Variants in SSH1 observed in about 807,000 individuals in gnomAD.
SSH1 encodes the protein protein phosphatase Slingshot homolog 1.
Under a neutral mutation model 79.7 loss-of-function variants are expected in SSH1, and 43 were observed. The observed-to-expected ratio is 0.54, with a 90% CI of 0.42 to 0.70. SSH1 has a LOEUF of 0.70. Among genes scored for constraint, SSH1 ranks in the 30% least tolerant of loss-of-function variants. SSH1 has a pLI of 0.00. For missense variants in SSH1, 1,206 were observed against 1,358.8 expected (o/e 0.89, Z 1.77); for synonymous variants, 599 against 538.3 (o/e 1.11, Z -1.56).
chr12:108,788,363 G>T lies in SSH1; in HGVS notation c.2775C>A (p.Ser925=). The T allele has an allele frequency of 6.2e-7, 1 of 1,613,146 alleles. No individual in the cohort carries two copies. Among genetic ancestry groups the T allele is most frequent in the Non-Finnish European group, 8.5e-7 (1 of 1,179,942 alleles). Residue 925 remains serine (S), a synonymous_variant, in exon 15 of 15, where the codon TCC becomes TCA. Coordinates refer to ENST00000326495, the MANE Select transcript of SSH1 (RefSeq NM_018984.4). ...FLKTICYTPT[S]SSMSSNLTRS... The stretch of plus-strand genomic sequence containing the variant: ...GGGTCAGGTTGGAGCTCATGGAAGA[G>T]GAGGTGGGGGTGTAGCAGATGGTCT...
chr12:108,852,535 T>C, intron 2 of SSH1, 103 bp downstream of exon 2: 2 of 1,466,640 alleles, frequency 1.4e-6, no homozygotes. Context: ...CAGCCCAAAA[T>C]TGGCATATTC....
At chr12:108,844,569 C>G (rs1270749561) in intron 2 of SSH1, among the ~76,000 whole-genome samples, 1 of 152,240 alleles carries the variant, frequency 6.6e-6, no homozygotes, top group African/African-American at 2.4e-5. Flanking sequence ...ATCCCTAGAA[C>G]ACACACAGAT....
In SSH1 at chr12:108,787,845, T is replaced by C. The variant is rs906527505; in HGVS notation, c.*143A>G. On this transcript the variant is annotated 3_prime_UTR_variant, in exon 15 of 15. Coordinates refer to ENST00000326495, the MANE Select transcript of SSH1 (RefSeq NM_018984.4). The stretch of plus-strand genomic sequence containing the variant: ...TTGGTTAGTTTCTTCTCCTCCTCTC[T>C]ATGGCAAGAGTAGGGGAAAAGTTAG... The C allele has an allele frequency of 5.6e-6, 6 of 1,068,570 alleles. No homozygotes were observed. The highest frequency in any genetic ancestry group is 5.8e-4 in the Middle Eastern group (2 of 3,450). The allele number at this position is 1,068,570 out of a possible 1,614,324, so 66.2% of individuals were successfully genotyped here.
chr12:108,779,491 AG>A lies in SSH1; in HGVS notation c.*8496del, dbSNP rs146912040. ...GCTCTGGGAAGGGTTTCAGATGATG[AG>A]GGAGCAGTTCCTATCTGGCTTCATC... On this transcript the variant is annotated 3_prime_UTR_variant, in exon 15 of 15. Coordinates refer to ENST00000326495, the MANE Select transcript of SSH1 (RefSeq NM_018984.4). The A allele has an allele frequency of 6.6e-6, 1 of 152,280 alleles. No individual in the cohort carries two copies. The highest frequency in any genetic ancestry group is 1.9e-4 in the East Asian group (1 of 5,176). The allele number at this position is 152,280 out of a possible 1,614,324, so 9.4% of individuals were successfully genotyped here.
At chr12:108,823,631 A>G (rs2038208917) in intron 2 of SSH1, among the ~76,000 whole-genome samples, 1 of 152,152 alleles carries the variant, frequency 6.6e-6, no homozygotes, top group African/African-American at 2.4e-5. Context: ...CTTTCTGCAG[A>G]ATACTGGACA....
chr12:108,805,159 A>G lies in SSH1; in HGVS notation c.851T>C (p.Met284Thr). 1 of 1,613,670 alleles carries G rather than the reference A, an allele frequency of 6.2e-7. No homozygotes were observed. The highest frequency in any genetic ancestry group is 8.5e-7 in the Non-Finnish European group (1 of 1,179,552). Residue 284 changes from methionine to threonine, a missense_variant, in exon 10 of 15, where the codon ATG becomes ACG. By Grantham distance (81) the Met-to-Thr change is moderately conservative. This residue lies in a region of SSH1 where 166 missense variants were observed against 262.9 expected (regional missense o/e 0.63). Coordinates refer to ENST00000326495, the MANE Select transcript of SSH1 (RefSeq NM_018984.4). ...CTTGAGTTCCTTCAAGTTACAATTC[A>G]TCTGTTTCTCTAATTCATTACGAAT... ...KEIRNELEKQ[M>T]NCNLKELKEF...
At position 108,811,320 on chromosome 12, in the gene SSH1, C is replaced by T. The variant is rs762222778; in HGVS notation, c.410G>A (p.Cys137Tyr). The T allele has an allele frequency of 3.1e-6, 5 of 1,614,212 alleles. No individual in the cohort carries two copies. The highest frequency in any genetic ancestry group is 4.2e-6 in the Non-Finnish European group (5 of 1,180,036). The part of the protein sequence containing the change: ...VDFSSKESKS[C>Y]TIGMVLRLWS... ...CAGTCGGAGAACCATCCCAATGGTG[C>T]AGCTTTTACTGCGATGGGGGAGAGA... Residue 137 changes from cysteine to tyrosine, a missense_variant, in exon 6 of 15, where the codon TGC becomes TAC. Cys to Tyr is a radical substitution (Grantham distance 194). This residue lies in a region of SSH1 where 115 missense variants were observed against 173.9 expected (regional missense o/e 0.66). Coordinates refer to ENST00000326495, the MANE Select transcript of SSH1 (RefSeq NM_018984.4).
At chr12:108,793,657 A>G (rs997892108) in intron 13 of SSH1, among the ~76,000 whole-genome samples, 1 of 152,026 alleles carries the variant, frequency 6.6e-6, no homozygotes, top group African/African-American at 2.4e-5. Context: ...CAGCCTCCCA[A>G]AGTGTTGGGA....
rs567754739 is a variant in SSH1, at chr12:108,813,597, C to T, written c.402-2269G>A. Among the ~76,000 whole-genome samples the T allele has an allele frequency of 1.2e-3, 185 of 150,318 alleles. 2 individuals are homozygous for T. Among genetic ancestry groups the T allele is most frequent in the African/African-American group, 4.4e-3 (178 of 40,866 alleles). On this transcript the variant is annotated intron_variant, in intron 5 of 14. Transcript: ENST00000326495. ...GAATGGTGGCATGTGCCTGTGGCCT[C>T]GGCTACTCAGGGGGCTGAGGTAGGA...
Position 108,788,630 on chromosome 12 carries a change from A to T in SSH1, c.2508T>A (p.Pro836=), listed in dbSNP as rs757769267. 6.2e-7 allele frequency: 1 copy of T among 1,612,498 alleles called. No individual in the cohort carries two copies. Among genetic ancestry groups the T allele is most frequent in the Non-Finnish European group, 8.5e-7 (1 of 1,178,742 alleles). Residue 836 remains proline, a synonymous_variant, in exon 15 of 15, where the codon CCT becomes CCA. Transcript: ENST00000326495. ...CCCTGGAGGGAGGTGCTGGGTCTGC[A>T]GGCACGCTCTTCAGCCGCTCTAGCT... ...TKELERLKSV[P]ADPAPPSRDG...
At position 108,788,882 on chromosome 12, in the gene SSH1, T is replaced by C. The variant is rs369438663; in HGVS notation, c.2256A>G (p.Pro752=). 21 of 1,614,118 alleles carry C rather than the reference T, an allele frequency of 1.3e-5. No individual in the cohort carries two copies. The highest frequency in any genetic ancestry group is 1.7e-5 in the Non-Finnish European group (20 of 1,180,046). Residue 752 remains proline (P), a synonymous_variant, in exon 15 of 15, where the codon CCA becomes CCG. Transcript: ENST00000326495. ...GAGAATTCTTCAAAAGGAGGGACTTTGGCAGGACTTTTGGGGTCTCTCTGG... is the reference window on the plus strand; with the variant it reads ...GAGAATTCTTCAAAAGGAGGGACTTCGGCAGGACTTTTGGGGTCTCTCTGG... ...EPSRETPKVL[P]KSLLLKNSHC...
At chr12:108,827,099 C>A (rs539359773) in intron 2 of SSH1, among the ~76,000 whole-genome samples, 1 of 152,024 alleles carries the variant, frequency 6.6e-6, no homozygotes, top group African/African-American at 2.4e-5. Context: ...TACTGCCATT[C>A]GGGAAGCTTC....
At position 108,788,262 on chromosome 12, in the gene SSH1, T is replaced by C; in HGVS notation, c.2876A>G (p.Glu959Gly). The change falls in exon 15 of 15, where the codon GAG (glutamate) becomes GGG (glycine). Residue 959 changes from glutamate (E) to glycine (G), a missense_variant. Around this residue, in one of 5 missense-constraint regions of SSH1, gnomAD observed 709 missense variants for 730.6 expected, o/e 0.97. Transcript: ENST00000326495. Reference protein sequence around the residue: ...GLVKQRTQEIETRLRLAGLTV... With the variant: ...GLVKQRTQEIGTRLRLAGLTV... The stretch of plus-strand genomic sequence containing the variant: ...GAGGCCCGCCAGCCGGAGCCGGGTC[T>C]CAATCTCCTGTGTCCGCTGCTTCAC... 6.2e-7 allele frequency: 1 copy of C among 1,613,834 alleles called. No individual in the cohort carries two copies. The highest frequency in any genetic ancestry group is 8.5e-7 in the Non-Finnish European group (1 of 1,180,010).
At chr12:108,826,794 C>T (rs1444358554) in intron 2 of SSH1, among the ~76,000 whole-genome samples, 1 of 152,186 alleles carries the variant, frequency 6.6e-6, no homozygotes, top group Non-Finnish European at 1.5e-5. Flanking sequence ...AAGAAATCCA[C>T]ATTGGTGATG....
chr12:108,852,861 G>C (rs2039072227), intron 1 of SSH1, 183 bp from the exon 2 acceptor site: 1 of 985,266 alleles, frequency 1.0e-6, no homozygotes, highest in Non-Finnish European at 1.2e-6. Flanking sequence ...TCATTTCCGT[G>C]GGGGAATTTT....
intron 3 of SSH1, among the ~76,000 whole-genome samples, chr12:108,820,494 C>G (rs1456572648): frequency 2.6e-5 from 4 of 152,186 alleles, no homozygotes; most frequent in South Asian, 4.1e-4. Flanking sequence ...AAACCCCTGT[C>G]TGATAAATGC....
rs148999374 is a variant in SSH1 at position 108,787,745 on chromosome 12, T to C, written c.*243A>G. The C allele has an allele frequency of 1.8e-6, 1 of 559,476 alleles. No homozygotes were observed. Among genetic ancestry groups the C allele is most frequent in the African/African-American group, 1.9e-5 (1 of 53,048 alleles). 34.7% of individuals were successfully genotyped at this position (559,476 alleles called of 1,614,324 possible). A position where few individuals can be genotyped will look rare whatever the true frequency, so the allele number is the denominator to read the frequency against. Reference sequence around the variant, plus strand: ...TCTTGAAGACACGGTGGGAGCGGAGTTTTGTGTCTCCTGGCCGGCGGCTCC... The same window carrying C: ...TCTTGAAGACACGGTGGGAGCGGAGCTTTGTGTCTCCTGGCCGGCGGCTCC... On this transcript the variant is annotated 3_prime_UTR_variant, in exon 15 of 15. Coordinates refer to ENST00000326495, the MANE Select transcript of SSH1 (RefSeq NM_018984.4).
In SSH1 at chr12:108,800,654, G is replaced by A. The variant is rs773757232; in HGVS notation, c.1148+126C>T. 213 of 1,151,678 alleles carry A rather than the reference G, an allele frequency of 1.8e-4. 1 individual carries two copies. The highest frequency in any genetic ancestry group is 2.8e-4 in the Middle Eastern group (1 of 3,520). 71.3% of individuals were successfully genotyped at this position (1,151,678 alleles called of 1,614,324 possible). On this transcript the variant is annotated intron_variant, in intron 12 of 14. Coordinates refer to ENST00000326495, the MANE Select transcript of SSH1 (RefSeq NM_018984.4). ...TCCACTCCCACCAGCCAACTCCTGC[G>A]TCTGGAGTCCCGTTAGGATCCCCCC...
At chr12:108,817,313 C>A in intron 4 of SSH1, 154 bp from the exon 5 acceptor site, 1 of 1,134,506 alleles carries the variant, frequency 8.8e-7, no homozygotes, top group South Asian at 1.3e-5. Flanking sequence ...GTGGTTCAGG[C>A]CTGTAATCCC....
Sources: gnomAD v4.1 joint callset for allele counts (sites outside exome capture counted in the v4.1 genomes callset) on GRCh38, gnomAD v4.1.1 for gene constraint, gnomAD v4.1.1 regional missense constraint, MANE v1.5 for transcripts, NCBI Gene and HGNC (gene_info 2026-07-23, HGNC 2026-07-21) for gene names.